Variants in CTNNA3 observed in about 807,000 individuals in gnomAD.
CTNNA3 encodes the protein catenin alpha 3.
Under a neutral mutation model 95.7 loss-of-function variants are expected in CTNNA3, and 76 were observed. The observed-to-expected ratio is 0.79, with a 90% CI of 0.66 to 0.96. The LOEUF (loss-of-function observed/expected upper bound fraction) is 0.96. CTNNA3 is among the 40% of genes least tolerant of loss of function. CTNNA3 has a pLI of 0.00. For missense variants in CTNNA3, 1,191 were observed against 1,089.8 expected (o/e 1.09, Z -1.31); for synonymous variants, 431 against 374.4 (o/e 1.15, Z -1.74).
chr10:66,927,759 G>A lies in CTNNA3; in HGVS notation c.1048-152235C>T. On this transcript the variant is annotated intron_variant, in intron 7 of 17. Coordinates refer to ENST00000433211, the MANE Select transcript of CTNNA3 (RefSeq NM_013266.4). This position sits in a 1 kb window ranked among gnomAD's most constrained non-coding sequence, Gnocchi z 4.7. ...TTTTCCAGTGTGTCCCGAATCTGCA[G>A]CGCCTCAACCTGGATTCCAACAAGC... 6.2e-7 allele frequency: 1 copy of A among 1,614,180 alleles called. No homozygotes were observed. Among genetic ancestry groups the A allele is most frequent in the Non-Finnish European group, 8.5e-7 (1 of 1,180,028 alleles).
At chr10:67,142,611 T>TA (rs748649999) in intron 7 of CTNNA3, among the ~76,000 whole-genome samples, 21 of 151,984 alleles carry the variant, frequency 1.4e-4, no homozygotes, top group Non-Finnish European at 2.5e-4. Flanking sequence ...AGCATTATGC[T>TA]AAAAAAAATG....
At chr10:66,495,416 G>A (rs1311137177) in intron 11 of CTNNA3, among the ~76,000 whole-genome samples, 1 of 151,972 alleles carries the variant, frequency 6.6e-6, no homozygotes, top group Non-Finnish European at 1.5e-5. Flanking sequence ...TGTAATCAAA[G>A]AGGCATTAAT....
intron 17 of CTNNA3, among the ~76,000 whole-genome samples, chr10:65,946,114 T>C (rs1255774807): frequency 6.6e-6 from 1 of 152,176 alleles, no homozygotes; most frequent in Non-Finnish European, 1.5e-5. Flanking sequence ...TTAGACCTCT[T>C]TAAGTTGCAA....
intron 1 of CTNNA3, among the ~76,000 whole-genome samples, chr10:67,727,310 A>G (rs942125726): frequency 1.5e-5 from 2 of 133,014 alleles, no homozygotes; most frequent in Non-Finnish European, 3.1e-5. Context: ...TATATTATAT[A>G]TGATATATTA....
At chr10:67,097,742 G>A (rs755433052) in intron 7 of CTNNA3, 2 of 1,612,478 alleles carry the variant, frequency 1.2e-6, no homozygotes, top group African/African-American at 2.7e-5. Context: ...AGCTGGACCT[G>A]AGCACAATCA....
Position 65,977,614 on chromosome 10 carries a change from C to T in CTNNA3, c.2266-10868G>A, listed in dbSNP as rs543407612. On this transcript the variant is annotated intron_variant, in intron 16 of 17. Coordinates refer to ENST00000433211, the MANE Select transcript of CTNNA3 (RefSeq NM_013266.4). The stretch of plus-strand genomic sequence containing the variant: ...TGGTCAACATGGTGAAACCTCATCT[C>T]TACTCAAAATATGAAATATTAGCCG... Among the ~76,000 whole-genome samples the T allele has an allele frequency of 8.2e-4, 124 of 151,964 alleles. 1 individual carries two copies. Among genetic ancestry groups the T allele is most frequent in the African/African-American group, 2.8e-3 (116 of 41,460 alleles).
intron 1 of CTNNA3, among the ~76,000 whole-genome samples, chr10:67,690,536 A>G (rs1375359688): frequency 1.3e-5 from 2 of 152,142 alleles, no homozygotes; most frequent in Non-Finnish European, 2.9e-5. Context: ...TGATTGGTGC[A>G]TTTACAAACC....
intron 17 of CTNNA3, among the ~76,000 whole-genome samples, chr10:65,955,887 A>T (rs1748248406): frequency 6.6e-6 from 1 of 152,134 alleles, no homozygotes; most frequent in Non-Finnish European, 1.5e-5. Context: ...TGGTATCAGG[A>T]TGATGCTGGC....
At chr10:65,964,242 C>T (rs553018108) in intron 17 of CTNNA3, among the ~76,000 whole-genome samples, 8 of 152,232 alleles carry the variant, frequency 5.3e-5, no homozygotes, top group Middle Eastern at 3.4e-3. Context: ...CTTTGGCACA[C>T]GTAAATGTAA....
chr10:66,473,285 C>G (rs1282502920), intron 11 of CTNNA3, among the ~76,000 whole-genome samples: 1 of 151,728 alleles, frequency 6.6e-6, no homozygotes, highest in African/African-American at 2.4e-5. Context: ...GGCAGTTCTC[C>G]CATGCTGTTC....
chr10:66,397,184 A>G (rs1231184398), intron 11 of CTNNA3, among the ~76,000 whole-genome samples: 8 of 151,698 alleles, frequency 5.3e-5, no homozygotes, highest in Non-Finnish European at 1.2e-4. Context: ...TAAAGCATTG[A>G]TATATTTTCC....
rs183072340 is a variant in CTNNA3, at chr10:66,469,468, A to T, written c.1531+51149T>A. Among the ~76,000 whole-genome samples the T allele has an allele frequency of 3.1e-3, 474 of 152,028 alleles. 1 individual carries two copies. The highest frequency in any genetic ancestry group is 0.011 in the African/African-American group (458 of 41,524). ...AGTGGCACAAGAAAAATATGGAAGT[A>T]TAGTAGGATATTGGACCCTGAAATT... On this transcript the variant is annotated intron_variant, in intron 11 of 17. Coordinates refer to ENST00000433211, the MANE Select transcript of CTNNA3 (RefSeq NM_013266.4).
intron 9 of CTNNA3, among the ~76,000 whole-genome samples, chr10:66,726,131 T>C (rs1468536644): frequency 1.3e-5 from 2 of 152,048 alleles, no homozygotes; most frequent in African/African-American, 4.8e-5. Context: ...CTCGACATAA[T>C]GTATGTTGAG....
chr10:67,385,610 A>G (rs972510813), intron 5 of CTNNA3, among the ~76,000 whole-genome samples: 5 of 152,190 alleles, frequency 3.3e-5, no homozygotes, highest in Non-Finnish European at 5.9e-5. Context: ...AGTTTAAAGG[A>G]AGAAGGAATC....
intron 13 of CTNNA3, among the ~76,000 whole-genome samples, chr10:66,122,006 C>T (rs1185780167): frequency 6.6e-6 from 1 of 152,106 alleles, no homozygotes; most frequent in African/African-American, 2.4e-5. Context: ...TAAATGACAA[C>T]TTCCCACACA....
chr10:66,472,699 A>G (rs912395542), intron 11 of CTNNA3, among the ~76,000 whole-genome samples: 5 of 152,156 alleles, frequency 3.3e-5, no homozygotes, highest in African/African-American at 1.2e-4. Context: ...CTAGCGTTTC[A>G]GAGATGTTAT....
At chr10:66,450,678 T>C (rs2093457727) in intron 11 of CTNNA3, among the ~76,000 whole-genome samples, 1 of 152,066 alleles carries the variant, frequency 6.6e-6, no homozygotes, top group African/African-American at 2.4e-5. Flanking sequence ...GAACTAGCAA[T>C]AGAAGAAAAT....
In CTNNA3 at chr10:67,386,529, G is replaced by A. The variant is rs12356069; in HGVS notation, c.579+135313C>T. 7.5e-3 allele frequency among the ~76,000 whole-genome samples: 1,135 copies of A among 152,166 alleles called. 6 individuals are homozygous for A. Among genetic ancestry groups the A allele is most frequent in the Non-Finnish European group, 0.011 (747 of 68,014 alleles). On this transcript the variant is annotated intron_variant, in intron 5 of 17. Coordinates refer to ENST00000433211, the MANE Select transcript of CTNNA3 (RefSeq NM_013266.4). ...TGACTTCAACACTTGTTTGAACTGA[G>A]TTGAAAGCCTTCATTAAACATCAGC...
At chr10:67,172,698 G>A (rs1403605889) in intron 7 of CTNNA3, among the ~76,000 whole-genome samples, 2 of 152,202 alleles carry the variant, frequency 1.3e-5, no homozygotes, top group African/African-American at 4.8e-5. Flanking sequence ...TTTTGGCCGG[G>A]CACGGTGGCT....
Sources: gnomAD v4.1 joint callset for allele counts (sites outside exome capture counted in the v4.1 genomes callset) on GRCh38, gnomAD v4.1.1 for gene constraint, Gnocchi (gnomAD v3.1) non-coding constraint, MANE v1.5 for transcripts, NCBI Gene and HGNC (gene_info 2026-07-23, HGNC 2026-07-21) for gene names.